The following ABR variants were observed in gnomAD, a reference collection of about 807,000 sequenced individuals.
The protein encoded by ABR is active breakpoint cluster region-related protein.
In ABR, 35 loss-of-function variants were observed where a neutral mutation model predicts 107.2. The observed-to-expected ratio is 0.33, with a 90% CI of 0.25 to 0.43. The LOEUF (loss-of-function observed/expected upper bound fraction) is 0.43. Among genes scored for constraint, ABR ranks in the 20% least tolerant of loss-of-function variants. The pLI, the probability that ABR is intolerant of heterozygous loss-of-function variation, is 1.00. For missense variants in ABR, 815 were observed against 1,115.2 expected (o/e 0.73, Z 3.83); for synonymous variants, 498 against 462.0 (o/e 1.08, Z -1.00).
At chr17:1,036,452 C>G (rs1257686660) in intron 16 of ABR, among the ~76,000 whole-genome samples, 1 of 151,212 alleles carries the variant, frequency 6.6e-6, no homozygotes, top group Non-Finnish European at 1.5e-5. Flanking sequence ...AGCTGGGGGA[C>G]AAGAAGGTGC....
rs190771085 is a variant in ABR at position 1,219,806 on chromosome 17, C to T, written c.838+8987G>A. ...TAAAACTGAGGAAAGAATAACCCCA[C>T]CACTTAGCACTAAGAGATCTTGGGC... is the stretch of plus-strand genomic sequence containing the variant. On this transcript the variant is annotated intron_variant, in intron 1 of 22. Coordinates refer to the ABR transcript ENST00000574139. Among the ~76,000 whole-genome samples, 441 of 149,760 alleles carry T rather than the reference C, an allele frequency of 2.9e-3. 4 individuals carry two copies. Among genetic ancestry groups the T allele is most frequent in the African/African-American group, 9.8e-3 (399 of 40,706 alleles).
In ABR at chr17:1,070,883, C is replaced by A. The variant is rs1220742107; in HGVS notation, c.895-793G>T. On this transcript the variant is annotated intron_variant, in intron 8 of 22. Transcript: ENST00000302538. This position sits in a 1 kb window ranked among gnomAD's most constrained non-coding sequence, Gnocchi z 4.2. ...AAGTATACAATTAAGATGACCGAGGCCGGGCGCAGTGGTTCACACCTGTCA... is the reference window on the plus strand; with the variant it reads ...AAGTATACAATTAAGATGACCGAGGACGGGCGCAGTGGTTCACACCTGTCA... Among the ~76,000 whole-genome samples the A allele has an allele frequency of 6.6e-6, 1 of 152,194 alleles. No individual in the cohort carries two copies. Among genetic ancestry groups the A allele is most frequent in the Non-Finnish European group, 1.5e-5 (1 of 68,028 alleles).
chr17:1,031,977 G>A, intron 16 of ABR: 9 of 725,282 alleles, frequency 1.2e-5, no homozygotes, highest in Non-Finnish European at 1.7e-5. Context: ...GCTGAGCGCC[G>A]CCTCCCAGGC....
chr17:1,228,997 G>A (rs1256758243), exon 1 of ABR: 1 of 151,718 alleles, frequency 6.6e-6, no homozygotes, highest in Non-Finnish European at 1.5e-5. Context: ...CGCTGCTCCA[G>A]GTCGCGGGTC....
chr17:1,211,287 G>GAATA (rs149944140), intron 1 of ABR, among the ~76,000 whole-genome samples: 3 of 151,616 alleles, frequency 2.0e-5, no homozygotes, highest in African/African-American at 7.3e-5. Flanking sequence ...TCAAAAAAAT[G>GAATA]AATAAATAAA....
At chr17:1,067,751 T>C (rs1452882698) in intron 9 of ABR, among the ~76,000 whole-genome samples, 2 of 152,048 alleles carry the variant, frequency 1.3e-5, no homozygotes, top group Non-Finnish European at 2.9e-5. Flanking sequence ...GTGCCCTAGT[T>C]GATTAGTGAT....
intron 4 of ABR, among the ~76,000 whole-genome samples, chr17:1,086,554 G>A (rs2036605263): frequency 6.6e-6 from 1 of 150,914 alleles, no homozygotes; most frequent in Non-Finnish European, 1.5e-5. Context: ...AGGCCGGAGT[G>A]CACTGGCACG....
At chr17:1,041,305 C>T (rs1442021150) in intron 16 of ABR, among the ~76,000 whole-genome samples, 1 of 152,162 alleles carries the variant, frequency 6.6e-6, no homozygotes, top group Non-Finnish European at 1.5e-5. Flanking sequence ...GAGGATGTAT[C>T]GTAAACAGAA....
chr17:1,206,977 C>A (rs753608794), intron 1 of ABR, among the ~76,000 whole-genome samples: 1 of 152,008 alleles, frequency 6.6e-6, no homozygotes, highest in East Asian at 1.9e-4. Context: ...CCCAGCTACT[C>A]GGGAGCTGAG....
intron 1 of ABR, among the ~76,000 whole-genome samples, chr17:1,203,434 GGAC>G (rs2042719979): frequency 3.6e-5 from 3 of 82,728 alleles, no homozygotes; most frequent in Non-Finnish European, 5.2e-5. Context: ...GGGCCCGCGG[GGAC>G]GGAGTCTGCG....
In ABR at chr17:1,157,167, G is replaced by A. The variant is rs1409897751; in HGVS notation, c.61+22500C>T. ...GCCCAAGGTCACACAGCTGCTGAGTGGCAAAGCTTGGAACCCGGGCAGTCT... is the reference window on the plus strand; with the variant it reads ...GCCCAAGGTCACACAGCTGCTGAGTAGCAAAGCTTGGAACCCGGGCAGTCT... On this transcript the variant is annotated intron_variant, in intron 1 of 22. Transcript: ENST00000302538. The surrounding 1 kb of genome is among the most constrained non-coding windows in gnomAD (Gnocchi z 4.7). Among the ~76,000 whole-genome samples, 1 of 152,142 alleles carries A rather than the reference G, an allele frequency of 6.6e-6. No individual in the cohort carries two copies. The highest frequency in any genetic ancestry group is 2.4e-5 in the African/African-American group (1 of 41,430).
intron 1 of ABR, among the ~76,000 whole-genome samples, chr17:1,171,749 T>C (rs1406473618): frequency 6.6e-6 from 1 of 152,126 alleles, no homozygotes. Context: ...CTGATCAACA[T>C]GGAGAAATCC....
intron 1 of ABR, among the ~76,000 whole-genome samples, chr17:1,128,076 C>A (rs779757464): frequency 3.9e-5 from 6 of 152,210 alleles, no homozygotes; most frequent in Non-Finnish European, 5.9e-5. Context: ...ACGCAGGGGG[C>A]CTGAGGACAG....
At chr17:1,082,037 C>T (rs2036271609) in intron 5 of ABR, among the ~76,000 whole-genome samples, 2 of 150,376 alleles carry the variant, frequency 1.3e-5, no homozygotes, top group African/African-American at 2.5e-5. Flanking sequence ...GGATTCTAAA[C>T]GTGGGCATCG....
chr17:1,021,893 T>C (rs567933175), intron 16 of ABR, among the ~76,000 whole-genome samples: 2 of 150,306 alleles, frequency 1.3e-5, no homozygotes, highest in South Asian at 2.1e-4. Context: ...GCGCGGTGGC[T>C]CATGCCTGTA....
At chr17:1,178,300 A>G (rs1424062213) in intron 1 of ABR, among the ~76,000 whole-genome samples, 1 of 151,116 alleles carries the variant, frequency 6.6e-6, no homozygotes, top group Non-Finnish European at 1.5e-5. Flanking sequence ...TTGTTGGCTC[A>G]CGCCTGTAAT....
Position 1,006,077 on chromosome 17 carries a change from G to C in ABR, c.*3C>G, listed in dbSNP as rs760952801. The C allele has an allele frequency of 6.4e-7, 1 of 1,562,248 alleles. No homozygotes were observed. Among genetic ancestry groups the C allele is most frequent in the Non-Finnish European group, 8.7e-7 (1 of 1,152,892 alleles). On this transcript the variant is annotated 3_prime_UTR_variant, in exon 23 of 23. Coordinates refer to ENST00000302538, the MANE Select transcript of ABR (RefSeq NM_021962.5). ...CACCCGCCCGCAGCCACCCTGCCTC[G>C]GGCTACACGTCGGTGGAGAAGTACA... is the stretch of plus-strand genomic sequence containing the variant.
intron 16 of ABR, among the ~76,000 whole-genome samples, chr17:1,019,314 G>A (rs777719736): frequency 6.6e-6 from 1 of 152,212 alleles, no homozygotes; most frequent in Non-Finnish European, 1.5e-5. Context: ...GCTCCACTAA[G>A]ATCTACCCTC....
intron 1 of ABR, among the ~76,000 whole-genome samples, chr17:1,161,911 G>A (rs566088724): frequency 8.7e-4 from 132 of 152,190 alleles, no homozygotes; most frequent in Middle Eastern, 3.4e-3. Flanking sequence ...TCTCCCACCC[G>A]CTACACCACT....
Sources: allele counts gnomAD v4.1 joint callset (sites outside exome capture counted in the v4.1 genomes callset), GRCh38; gene constraint gnomAD v4.1.1; non-coding constraint Gnocchi (gnomAD v3.1); transcripts MANE v1.5; gene names NCBI Gene and HGNC (gene_info 2026-07-23, HGNC 2026-07-21).